Variants in ITPR1 observed in about 807,000 individuals in gnomAD.
ITPR1 encodes inositol 1,4,5-trisphosphate receptor type 1, also known as inositol 1,4,5-trisphosphate-gated calcium channel ITPR1.
A neutral mutation model predicts 318.4 loss-of-function variants in ITPR1; 96 were observed. The observed-to-expected ratio is 0.30, with a 90% CI of 0.26 to 0.36. The LOEUF (loss-of-function observed/expected upper bound fraction) is 0.36, where lower values mean the gene tolerates loss of function less well. Ranked by LOEUF, ITPR1 falls within the 10% of genes least tolerant of loss-of-function variation. The probability of loss-of-function intolerance (pLI) is 1.00; values close to 1 mark genes in which losing one functional copy is unlikely to be tolerated. For missense variants in ITPR1, 2,440 were observed against 3,460.2 expected, an observed-to-expected ratio of 0.71 and a Z score of 7.40; for synonymous variants, 1,312 against 1,289.9, an observed-to-expected ratio of 1.02 and a Z score of -0.37.
At chr3:4,537,909 C>T (rs570161863) in intron 4 of ITPR1, among the ~76,000 whole-genome samples, 6 of 152,026 alleles carry the variant, frequency 3.9e-5, no homozygotes, top group Admixed American at 2.0e-4. Context: ...TTTGTGCGTT[C>T]TTTTTTTTCT....
At chr3:4,580,728 C>G (rs184796620) in intron 4 of ITPR1, among the ~76,000 whole-genome samples, 12 of 152,298 alleles carry the variant, frequency 7.9e-5, no homozygotes, top group African/African-American at 2.9e-4. Context: ...ACAACAGATC[C>G]TCAGTGAGCA....
At chr3:4,537,907 TTC>T (rs1308281451) in intron 4 of ITPR1, among the ~76,000 whole-genome samples, 2 of 152,230 alleles carry the variant, frequency 1.3e-5, no homozygotes, top group Non-Finnish European at 2.9e-5. Flanking sequence ...TATTTGTGCG[TTC>T]TTTTTTTTCT....
At chr3:4,679,375 C>T (rs1044604828) in intron 24 of ITPR1, among the ~76,000 whole-genome samples, 4 of 152,128 alleles carry the variant, frequency 2.6e-5, no homozygotes, top group African/African-American at 4.8e-5. Flanking sequence ...AGCTGTGTCC[C>T]GGGAAAGCCA....
chr3:4,672,101 T>C (rs1206152003), intron 20 of ITPR1, among the ~76,000 whole-genome samples: 1 of 152,250 alleles, frequency 6.6e-6, no homozygotes, highest in Non-Finnish European at 1.5e-5. Context: ...TTTGATCACA[T>C]GCTGCAGTTC....
chr3:4,784,443 G>A (rs1468699785), intron 51 of ITPR1, among the ~76,000 whole-genome samples: 1 of 152,100 alleles, frequency 6.6e-6, no homozygotes, highest in Non-Finnish European at 1.5e-5. Context: ...AAGGCAGGCA[G>A]CCCTGATCTC....
intron 12 of ITPR1, 37 bp from the exon 13 acceptor site, chr3:4,658,087 A>T: frequency 6.4e-7 from 1 of 1,571,004 alleles, no homozygotes; most frequent in South Asian, 1.2e-5. Flanking sequence ...AGGCTTTGGC[A>T]TGCATGGTTC....
At chr3:4,634,469 C>T (rs114086016) in intron 5 of ITPR1, among the ~76,000 whole-genome samples, 4,662 of 152,078 alleles carry the variant, frequency 0.031, 253 homozygotes, top group African/African-American at 0.11. Context: ...ACCTCGGCCT[C>T]CCAAAGTGCC....
At chr3:4,516,630 A>G (rs1292027327) in intron 3 of ITPR1, 47 bp downstream of exon 3, 2 of 1,128,688 alleles carry the variant, frequency 1.8e-6, no homozygotes, top group Non-Finnish European at 2.6e-6. Context: ...TTAAGACATC[A>G]TAACATCAGC....
At chr3:4,737,334 G>A (rs2043348837) in intron 44 of ITPR1, among the ~76,000 whole-genome samples, 1 of 152,188 alleles carries the variant, frequency 6.6e-6, no homozygotes, top group East Asian at 1.9e-4. Flanking sequence ...CAAGGAAGAA[G>A]GACCAGCATC....
rs141537711 is a variant in ITPR1 at position 4,657,507 on chromosome 3, G to A, written c.997-617G>A. Among the ~76,000 whole-genome samples the A allele has an allele frequency of 2.2e-3, 325 of 145,420 alleles. 2 individuals carry two copies. Among genetic ancestry groups the A allele is most frequent in the African/African-American group, 7.4e-3 (284 of 38,474 alleles). ...TTTTGAGACAGAGTCTCACTCTGTCGTCTAGGCTGAAATGCGGTGGCGCGA... is the reference window on the plus strand; with the variant it reads ...TTTTGAGACAGAGTCTCACTCTGTCATCTAGGCTGAAATGCGGTGGCGCGA... On this transcript the variant is annotated intron_variant, in intron 12 of 61. Coordinates refer to ENST00000649015, the MANE Select transcript of ITPR1 (RefSeq NM_001378452.1).
intron 60 of ITPR1, among the ~76,000 whole-genome samples, chr3:4,836,282 G>A (rs1195576815): frequency 2.1e-4 from 32 of 152,142 alleles, no homozygotes; most frequent in Non-Finnish European, 2.9e-5. Context: ...TGATGGGGAT[G>A]GAATTTCACT....
At chr3:4,546,728 T>A (rs1482701609) in intron 4 of ITPR1, among the ~76,000 whole-genome samples, 1 of 151,062 alleles carries the variant, frequency 6.6e-6, no homozygotes, top group Non-Finnish European at 1.5e-5. Flanking sequence ...TCAAATTCAG[T>A]GACATAAACC....
chr3:4,664,216 C>T (rs558357875), intron 16 of ITPR1, among the ~76,000 whole-genome samples: 25 of 152,146 alleles, frequency 1.6e-4, no homozygotes, highest in African/African-American at 4.6e-4. Context: ...AGAATCTTTC[C>T]GTAAAGAATG....
At chr3:4,711,260 G>T (rs1479877026) in intron 38 of ITPR1, among the ~76,000 whole-genome samples, 2 of 147,508 alleles carry the variant, frequency 1.4e-5, no homozygotes, top group African/African-American at 5.0e-5. Context: ...AAGATTAGTT[G>T]TTTGTTTAGC....
rs773281189 is a variant in ITPR1, at chr3:4,813,173, G to A, written c.7500G>A (p.Leu2500=). The A allele has an allele frequency of 1.7e-5, 28 of 1,613,864 alleles. No individual in the cohort carries two copies. Among genetic ancestry groups the A allele is most frequent in the African/African-American group, 2.7e-5 (2 of 74,920 alleles). ...GCGAGAGTTTGGCAAGCGAGTTCCTGTTCTCCGATGTGTGTAGGGTGGAGA... is the reference window on the plus strand; with the variant it reads ...GCGAGAGTTTGGCAAGCGAGTTCCTATTCTCCGATGTGTGTAGGGTGGAGA... The part of the protein sequence containing the change: ...ETGESLASEF[L]FSDVCRVESG... Residue 2500 remains leucine, a synonymous_variant, in exon 57 of 62, where the codon CTG becomes CTA. Coordinates refer to ENST00000649015, the MANE Select transcript of ITPR1 (RefSeq NM_001378452.1).
chr3:4,618,202 T>A (rs2092461183), intron 4 of ITPR1, among the ~76,000 whole-genome samples: 1 of 152,120 alleles, frequency 6.6e-6, no homozygotes, highest in Non-Finnish European at 1.5e-5. Flanking sequence ...AATGGTTAAT[T>A]TTATATTATG....
intron 4 of ITPR1, among the ~76,000 whole-genome samples, chr3:4,609,051 A>AAGATATATAGATATATATAT (rs2091905319): frequency 2.1e-5 from 1 of 46,542 alleles, no homozygotes; most frequent in African/African-American, 5.4e-5. Flanking sequence ...ACAACAACGA[A>AAGATATATAGATATATATAT]ATATATATAT....
intron 4 of ITPR1, among the ~76,000 whole-genome samples, chr3:4,526,992 G>T (rs2083033569): frequency 6.6e-6 from 1 of 152,198 alleles, no homozygotes; most frequent in Non-Finnish European, 1.5e-5. Flanking sequence ...TGGCCTACTG[G>T]GGAAAAGTAA....
chr3:4,820,761 G>T (rs1195940337), intron 60 of ITPR1, among the ~76,000 whole-genome samples: 1 of 152,240 alleles, frequency 6.6e-6, no homozygotes, highest in Non-Finnish European at 1.5e-5. Flanking sequence ...ACCGCTAAAC[G>T]GTGGTGCCTT....
Sources: gnomAD v4.1 joint callset for allele counts (sites outside exome capture counted in the v4.1 genomes callset) on GRCh38, gnomAD v4.1.1 for gene constraint, MANE v1.5 for transcripts, NCBI Gene and HGNC (gene_info 2026-07-23, HGNC 2026-07-21) for gene names.